The following CNTRL variants were observed in gnomAD, a reference collection of about 807,000 sequenced individuals.
The protein encoded by CNTRL is centriolin.
In CNTRL, 233 loss-of-function variants were observed where a neutral mutation model predicts 303.7. The observed-to-expected ratio is 0.77, with a 90% CI of 0.69 to 0.86. The LOEUF (loss-of-function observed/expected upper bound fraction) is 0.86, where lower values mean the gene tolerates loss of function less well. Among genes scored for constraint, CNTRL ranks in the 40% least tolerant of loss-of-function variants. The pLI is 0.00. For synonymous variants in CNTRL, 900 were observed against 922.2 expected, an observed-to-expected ratio of 0.98 and a Z score of 0.44; for missense variants, 2,524 against 2,650.6, an observed-to-expected ratio of 0.95 and a Z score of 1.05.
At chr9:121,159,051 C>G (rs188470073) in intron 31 of CNTRL, 32 bp downstream of exon 31, 1 of 1,593,810 alleles carries the variant, frequency 6.3e-7, no homozygotes, top group African/African-American at 1.3e-5. Context: ...TCTGAAGAGT[C>G]GTAGGACAGT....
chr9:121,109,740 A>G (rs553793100), intron 8 of CNTRL, among the ~76,000 whole-genome samples: 2 of 152,320 alleles, frequency 1.3e-5, no homozygotes, highest in African/African-American at 4.8e-5. Flanking sequence ...TCAGAAGGGA[A>G]GAAAATACCC....
intron 14 of CNTRL, among the ~76,000 whole-genome samples, chr9:121,134,804 C>A (rs935947147): frequency 6.6e-6 from 1 of 152,180 alleles, no homozygotes; most frequent in Non-Finnish European, 1.5e-5. Context: ...GCATTTTCCC[C>A]TGGTTACTGG....
At chr9:121,174,955 G>A in intron 42 of CNTRL, 63 bp from the exon 43 acceptor site, 2 of 1,427,410 alleles carry the variant, frequency 1.4e-6, no homozygotes, top group African/African-American at 1.4e-5. Flanking sequence ...ATGTGAGGAA[G>A]CTGAGCGGCA....
At chr9:121,083,545 T>G (rs1318828732) in intron 2 of CNTRL, among the ~76,000 whole-genome samples, 1 of 152,144 alleles carries the variant, frequency 6.6e-6, no homozygotes, top group East Asian at 1.9e-4. Flanking sequence ...ATGATAACAG[T>G]GTTATGTTCT....
chr9:121,133,121 G>T (rs1056756055), intron 14 of CNTRL, among the ~76,000 whole-genome samples: 5 of 152,250 alleles, frequency 3.3e-5, no homozygotes, highest in African/African-American at 1.2e-4. Flanking sequence ...GAGGCAGTCT[G>T]TCCGTTCTCT....
intron 12 of CNTRL, among the ~76,000 whole-genome samples, chr9:121,119,080 ATGTGTGTG>A (rs3047904): frequency 2.9e-4 from 43 of 148,544 alleles, no homozygotes; most frequent in Admixed American, 2.2e-3. Context: ...ACATAAATAT[ATGTGTGTG>A]TGTGTGTGTG....
chr9:121,118,467 T>G lies in CNTRL; in HGVS notation c.1577T>G (p.Ile526Ser). 6.2e-7 allele frequency: 1 copy of G among 1,612,792 alleles called. No individual in the cohort carries two copies. Among genetic ancestry groups the G allele is most frequent in the Non-Finnish European group, 8.5e-7 (1 of 1,179,180 alleles). The change falls in exon 12 of 44, where the codon ATT (isoleucine) becomes AGT (serine). Residue 526 changes from isoleucine to serine, a missense_variant. Coordinates refer to ENST00000373855, the MANE Select transcript of CNTRL (RefSeq NM_007018.6). The stretch of plus-strand genomic sequence containing the variant: ...CAGATGGAAAAGCAAAAGCAGGAAA[T>G]TGCCGGAAAGCAGAAGGAGATTAAG... ...ELQMEKQKQE[I>S]AGKQKEIKDL...
chr9:121,157,430 A>G, intron 27 of CNTRL, 40 bp from the exon 28 acceptor site: 2 of 1,601,380 alleles, frequency 1.2e-6, no homozygotes, highest in South Asian at 1.1e-5. Flanking sequence ...GTGAGTGAGT[A>G]TTGTAACTGA....
chr9:121,128,252 C>T (rs2050650403), intron 14 of CNTRL, among the ~76,000 whole-genome samples: 1 of 152,184 alleles, frequency 6.6e-6, no homozygotes, highest in Non-Finnish European at 1.5e-5. Context: ...CTAGTTTACA[C>T]TCCCACCAAC....
At chr9:121,164,265 A>G (rs1485064343) in intron 34 of CNTRL, among the ~76,000 whole-genome samples, 1 of 152,242 alleles carries the variant, frequency 6.6e-6, no homozygotes, top group Non-Finnish European at 1.5e-5. Flanking sequence ...ACATACGCCA[A>G]TCGGAAGATC....
chr9:121,116,287 A>C (rs922189067), intron 11 of CNTRL, among the ~76,000 whole-genome samples: 1 of 152,160 alleles, frequency 6.6e-6, no homozygotes, highest in East Asian at 1.9e-4. Context: ...CAGACTAGAG[A>C]TTTCTCTGCA....
chr9:121,085,131 G>A (rs554928638), intron 2 of CNTRL, among the ~76,000 whole-genome samples: 3 of 152,074 alleles, frequency 2.0e-5, no homozygotes, highest in Non-Finnish European at 2.9e-5. Context: ...TTTCAGAAAC[G>A]ATATTTAACA....
chr9:121,112,649 G>A, intron 9 of CNTRL, 71 bp downstream of exon 9: 1 of 1,453,356 alleles, frequency 6.9e-7, no homozygotes, highest in Non-Finnish European at 9.6e-7. Flanking sequence ...AGGGCAGGTG[G>A]TGAGGACATG....
At chr9:121,120,947 C>G (rs1367953404) in intron 12 of CNTRL, among the ~76,000 whole-genome samples, 1 of 152,106 alleles carries the variant, frequency 6.6e-6, no homozygotes, top group Non-Finnish European at 1.5e-5. Flanking sequence ...GTTTATCCAG[C>G]GGGAACATCT....
intron 14 of CNTRL, among the ~76,000 whole-genome samples, chr9:121,131,586 A>G (rs2050862563): frequency 6.6e-6 from 1 of 151,976 alleles, no homozygotes; most frequent in Non-Finnish European, 1.5e-5. Flanking sequence ...TCTTTATCCA[A>G]TTTGCCAGTC....
chr9:121,149,160 T>G (rs954288726), intron 24 of CNTRL, among the ~76,000 whole-genome samples: 36 of 152,312 alleles, frequency 2.4e-4, no homozygotes, highest in African/African-American at 8.2e-4. Context: ...AAGCAGCCTC[T>G]TTGACTGTAC....
Position 121,112,495 on chromosome 9 carries a change from C to T in CNTRL, c.1039C>T (p.Gln347Ter). The change falls in exon 9 of 44, where the codon CAG becomes TAG. Residue 347 changes from glutamine (Q) to a stop codon, truncating the protein, a stop_gained. Transcript: ENST00000373855. LOFTEE classifies it high-confidence loss of function. ...QKTIELTRAC[Q>*]KQYELEQELA... ...GACCATAGAATTAACACGAGCATGT[C>T]AGAAGCAATATGAGCTGGAACAGGA... The T allele has an allele frequency of 6.2e-7, 1 of 1,612,914 alleles. No individual in the cohort carries two copies. Among genetic ancestry groups the T allele is most frequent in the Non-Finnish European group, 8.5e-7 (1 of 1,179,142 alleles).
chr9:121,123,560 C>T (rs1397035715), intron 12 of CNTRL, among the ~76,000 whole-genome samples: 2 of 152,164 alleles, frequency 1.3e-5, no homozygotes, highest in Non-Finnish European at 2.9e-5. Flanking sequence ...GATCGTGCCT[C>T]TGCACTCTAG....
At position 121,168,279 on chromosome 9, in the gene CNTRL, G is replaced by A. The variant is rs980089330; in HGVS notation, c.6028G>A (p.Glu2010Lys). 4.3e-6 allele frequency: 7 copies of A among 1,614,176 alleles called. No homozygotes were observed. In the East Asian group the frequency reaches 1.6e-4, roughly 36 times the overall value. ...EERVRTLQEE[E>K]RWCESLEKTL... is the part of the protein sequence containing the mutation. ...GCGTGTTAGGACTCTGCAGGAAGAG[G>A]AGAGGTGGTGTGAGAGCCTGGAGAA... Residue 2010 changes from glutamate (E) to lysine (K), a missense_variant, in exon 38 of 44, where the codon GAG (glutamate) becomes AAG (lysine). Transcript: ENST00000373855.
Sources: gnomAD v4.1 joint callset for allele counts (sites outside exome capture counted in the v4.1 genomes callset) on GRCh38, gnomAD v4.1.1 for gene constraint, MANE v1.5 for transcripts, NCBI Gene and HGNC (gene_info 2026-07-23, HGNC 2026-07-21) for gene names.